Variants in SLC25A31 observed in about 807,000 individuals in gnomAD.
The protein encoded by SLC25A31 is solute carrier family 25 member 31.
SLC25A31 carries 40 observed loss-of-function variants against 36.2 expected under a neutral mutation model. The observed-to-expected ratio is 1.10, with a 90% CI of 0.86 to 1.44. The LOEUF is 1.44. SLC25A31 is among the 40% of genes most tolerant of loss of function. The pLI is 0.00. For synonymous variants in SLC25A31, 143 were observed against 149.7 expected (o/e 0.96, Z 0.32); for missense variants, 350 against 397.1 (o/e 0.88, Z 1.01).
intron 1 of SLC25A31, among the ~76,000 whole-genome samples, chr4:127,734,287 T>G (rs1731582122): frequency 6.6e-6 from 1 of 152,098 alleles, no homozygotes; most frequent in Admixed American, 6.5e-5. Flanking sequence ...TTTCTGGGTG[T>G]GGTGGCTCAT....
intron 4 of SLC25A31, 49 bp from the exon 5 acceptor site, chr4:127,768,703 A>T: frequency 6.7e-7 from 1 of 1,484,830 alleles, no homozygotes; most frequent in Non-Finnish European, 9.0e-7. Flanking sequence ...TAAGAATTTA[A>T]GATATTTTAG....
At chr4:127,772,297 A>G (rs1360155773) in intron 5 of SLC25A31, among the ~76,000 whole-genome samples, 1 of 152,198 alleles carries the variant, frequency 6.6e-6, no homozygotes, top group East Asian at 1.9e-4. Flanking sequence ...TTGGTAAATT[A>G]TACTTTTCTA....
chr4:127,769,078 A>G (rs1485535403), intron 5 of SLC25A31, among the ~76,000 whole-genome samples: 1 of 152,138 alleles, frequency 6.6e-6, no homozygotes. Context: ...TTCCTCACCT[A>G]CCATCAAAAC....
chr4:127,759,327 C>T (rs1038742805), intron 2 of SLC25A31, among the ~76,000 whole-genome samples: 1 of 151,574 alleles, frequency 6.6e-6, no homozygotes, highest in Non-Finnish European at 1.5e-5. Context: ...ATTTTGTATC[C>T]GGAAACTTTA....
At chr4:127,748,573 C>G (rs903474246) in intron 2 of SLC25A31, among the ~76,000 whole-genome samples, 13 of 152,158 alleles carry the variant, frequency 8.5e-5, no homozygotes, top group African/African-American at 2.4e-5. Flanking sequence ...ATCCTGGCAC[C>G]AACTCACAGA....
At chr4:127,759,411 A>G (rs1732087642) in intron 2 of SLC25A31, among the ~76,000 whole-genome samples, 1 of 151,888 alleles carries the variant, frequency 6.6e-6, no homozygotes, top group Non-Finnish European at 1.5e-5. Context: ...AGGTTAAATT[A>G]CTCATGTAAT....
intron 1 of SLC25A31, among the ~76,000 whole-genome samples, chr4:127,737,275 C>A (rs79479638): frequency 6.6e-6 from 1 of 152,098 alleles, no homozygotes; most frequent in South Asian, 2.1e-4. Flanking sequence ...TAAGAATTGC[C>A]TGCTATACTA....
In SLC25A31 at chr4:127,730,408, G is replaced by T. The variant is rs1227978519; in HGVS notation, c.-138G>T. ...TTTTCCGCACGCGCCTCGCCGGCGC[G>T]CGGCTCTCTCAGCGTCCCAAGAGCC... On this transcript the variant is annotated 5_prime_UTR_variant, in exon 1 of 6. Coordinates refer to ENST00000281154, the MANE Select transcript of SLC25A31 (RefSeq NM_031291.4). 4 of 930,472 alleles carry T rather than the reference G, an allele frequency of 4.3e-6. No individual in the cohort carries two copies. The African/African-American group carries it at 6.7e-5, about 16-fold the overall frequency. 57.6% of individuals were successfully genotyped at this position (930,472 alleles called of 1,614,324 possible). A position where few individuals can be genotyped will look rare whatever the true frequency, so the allele number is the denominator to read the frequency against.
intron 1 of SLC25A31, among the ~76,000 whole-genome samples, chr4:127,742,253 T>G (rs1292103305): frequency 6.6e-6 from 1 of 152,196 alleles, no homozygotes; most frequent in East Asian, 1.9e-4. Flanking sequence ...GTCTTAAAAC[T>G]TGAGAAACTC....
chr4:127,758,479 C>T (rs1030694965), intron 2 of SLC25A31, among the ~76,000 whole-genome samples: 9 of 152,100 alleles, frequency 5.9e-5, no homozygotes, highest in African/African-American at 2.2e-4. Flanking sequence ...CTTTTTCAGT[C>T]CCATTTGTCA....
chr4:127,754,038 G>A (rs1731985057), intron 2 of SLC25A31, among the ~76,000 whole-genome samples: 1 of 151,938 alleles, frequency 6.6e-6, no homozygotes, highest in South Asian at 2.1e-4. Flanking sequence ...GTGATAAACT[G>A]TATTAACAAA....
At position 127,768,845 on chromosome 4, in the gene SLC25A31, T is replaced by A; in HGVS notation, c.727T>A (p.Phe243Ile). ...ATGCTCTGGAATACTTTCTTATCCC[T>A]TTGACACAGTTAGAAGACGTATGAT... The part of the protein sequence containing the change: ...TTCSGILSYP[F>I]DTVRRRMMMQ... The change falls in exon 5 of 6, where the codon TTT becomes ATT. Residue 243 changes from phenylalanine (F) to isoleucine (I), a missense_variant. By Grantham distance (21) the Phe-to-Ile change is conservative. Coordinates refer to ENST00000281154, the MANE Select transcript of SLC25A31 (RefSeq NM_031291.4). 1 of 1,604,568 alleles carries A rather than the reference T, an allele frequency of 6.2e-7. No individual in the cohort carries two copies. Among genetic ancestry groups the A allele is most frequent in the Non-Finnish European group, 8.5e-7 (1 of 1,176,304 alleles).
rs567150160 is a variant in SLC25A31, at chr4:127,758,967, T to C, written c.361-5276T>C. Reference sequence around the variant, plus strand: ...TTGGCAATTCAGTCTCTCTTTTTGGTTCCATATGAATTTTAGAATGCTTTT... The same window carrying C: ...TTGGCAATTCAGTCTCTCTTTTTGGCTCCATATGAATTTTAGAATGCTTTT... On this transcript the variant is annotated intron_variant, in intron 2 of 5. Coordinates refer to ENST00000281154, the MANE Select transcript of SLC25A31 (RefSeq NM_031291.4). Among the ~76,000 whole-genome samples, 62 of 152,322 alleles carry C rather than the reference T, an allele frequency of 4.1e-4. No homozygotes were observed. The South Asian group carries it at 0.012, about 31-fold the overall frequency.
chr4:127,747,246 G>T lies in SLC25A31; in HGVS notation c.360+2447G>T, dbSNP rs1425922840. Among the ~76,000 whole-genome samples the T allele has an allele frequency of 2.0e-5, 3 of 151,892 alleles. No homozygotes were observed. In the East Asian group the frequency reaches 5.8e-4, roughly 29 times the overall value. ...TTGATATTTTTGTTTGGCTATTCGGGCTCTTTTTTGGTTACATATGAATTT... is the reference window on the plus strand; with the variant it reads ...TTGATATTTTTGTTTGGCTATTCGGTCTCTTTTTTGGTTACATATGAATTT... On this transcript the variant is annotated intron_variant, in intron 2 of 5. Coordinates refer to ENST00000281154, the MANE Select transcript of SLC25A31 (RefSeq NM_031291.4).
chr4:127,734,556 CAAAAAAAAAAAAAA>C (rs34838538), intron 1 of SLC25A31, among the ~76,000 whole-genome samples: 1 of 62,244 alleles, frequency 1.6e-5, no homozygotes, highest in Non-Finnish European at 2.9e-5. Flanking sequence ...AAGACTGTCT[CAAAAAAAAAAAAAA>C]AAAAAAAAAA....
At chr4:127,736,316 A>T (rs1731632733) in intron 1 of SLC25A31, among the ~76,000 whole-genome samples, 1 of 152,178 alleles carries the variant, frequency 6.6e-6, no homozygotes, top group African/African-American at 2.4e-5. Context: ...TTTTGAAGAA[A>T]TTTTTTTCTT....
intron 1 of SLC25A31, among the ~76,000 whole-genome samples, chr4:127,736,439 A>G (rs1731634813): frequency 6.6e-6 from 1 of 152,162 alleles, no homozygotes; most frequent in Non-Finnish European, 1.5e-5. Flanking sequence ...GAAACCATCC[A>G]TTTATTCTGT....
chr4:127,773,664 T>C lies in SLC25A31; in HGVS notation c.*90T>C, dbSNP rs1732412669. 9.3e-7 allele frequency: 1 copy of C among 1,072,176 alleles called. No homozygotes were observed. Among genetic ancestry groups the C allele is most frequent in the South Asian group, 2.0e-5 (1 of 49,826 alleles). 66.4% of individuals were successfully genotyped at this position (1,072,176 alleles called of 1,614,324 possible). ...ATTTGCATACATTTTGATAGTGTTATTGTCTGTATTTTGTTAAAGTGCTAG... is the reference window on the plus strand; with the variant it reads ...ATTTGCATACATTTTGATAGTGTTACTGTCTGTATTTTGTTAAAGTGCTAG... On this transcript the variant is annotated 3_prime_UTR_variant, in exon 6 of 6. Transcript: ENST00000281154.
intron 2 of SLC25A31, among the ~76,000 whole-genome samples, chr4:127,745,978 T>A (rs1358918880): frequency 6.6e-6 from 1 of 152,090 alleles, no homozygotes; most frequent in Non-Finnish European, 1.5e-5. Context: ...CTCAAGTAGA[T>A]CCCAATGTCT....
Sources: allele counts gnomAD v4.1 joint callset (sites outside exome capture counted in the v4.1 genomes callset), GRCh38; gene constraint gnomAD v4.1.1; transcripts MANE v1.5; gene names NCBI Gene and HGNC (gene_info 2026-07-23, HGNC 2026-07-21).